The following CEP104 variants were observed in gnomAD, a reference collection of about 807,000 sequenced individuals.
CEP104 encodes centrosomal protein 104, also known as centrosomal protein of 104 kDa.
CEP104 carries 84 observed loss-of-function variants against 113.3 expected under a neutral mutation model. The observed-to-expected ratio is 0.74, with a 90% CI of 0.62 to 0.89. The LOEUF (loss-of-function observed/expected upper bound fraction) is 0.89. CEP104 is among the 40% of genes least tolerant of loss of function. CEP104 has a pLI of 0.00. For synonymous variants in CEP104, 378 were observed against 421.7 expected (o/e 0.90, Z 1.27); for missense variants, 1,053 against 1,156.6 (o/e 0.91, Z 1.30).
chr1:3,845,249 T>C (rs1397627739), intron 5 of CEP104, 40 bp downstream of exon 5: 10 of 1,362,192 alleles, frequency 7.3e-6, no homozygotes, highest in Middle Eastern at 1.8e-4. Context: ...CCATTATAAA[T>C]AGATTTACTT....
Position 3,815,497 on chromosome 1 carries a change from C to G in CEP104, c.2683G>C (p.Ala895Pro), listed in dbSNP as rs372708011. 1.0e-5 allele frequency: 16 copies of G among 1,605,926 alleles called. No individual in the cohort carries two copies. The highest frequency in any genetic ancestry group is 1.4e-5 in the Non-Finnish European group (16 of 1,176,442). ...GCCTTTGACCCCAAGGGGCCTGATGCGGCCACAGCTGAGCTTTTCCCTGCA... is the reference window on the plus strand; with the variant it reads ...GCCTTTGACCCCAAGGGGCCTGATGGGGCCACAGCTGAGCTTTTCCCTGCA... ...LQPGKSSAVA[A>P]SGPLGSKAGS... is the part of the protein sequence containing the mutation. Residue 895 changes from alanine to proline, a missense_variant, in exon 22 of 22, where the codon GCA (alanine) becomes CCA (proline). By Grantham distance (27) the Ala-to-Pro change is conservative. Transcript: ENST00000378230.
chr1:3,851,448 A>G (rs765714858), intron 2 of CEP104, among the ~76,000 whole-genome samples: 1 of 152,210 alleles, frequency 6.6e-6, no homozygotes, highest in African/African-American at 2.4e-5. Context: ...AGGAATAAAT[A>G]GTAACTTCTC....
chr1:3,827,470 T>A (rs1644113712), intron 15 of CEP104, among the ~76,000 whole-genome samples: 1 of 152,122 alleles, frequency 6.6e-6, no homozygotes, highest in South Asian at 2.1e-4. Flanking sequence ...TCCTCCTGCC[T>A]CGGCCTCCCA....
chr1:3,844,049 C>T (rs1644463125), intron 6 of CEP104, among the ~76,000 whole-genome samples: 1 of 152,210 alleles, frequency 6.6e-6, no homozygotes, highest in African/African-American at 2.4e-5. Flanking sequence ...GCGTGAGCCA[C>T]TGCACCCGGC....
At chr1:3,827,613 A>ATTT (rs1644116912) in intron 15 of CEP104, among the ~76,000 whole-genome samples, 1 of 152,246 alleles carries the variant, frequency 6.6e-6, no homozygotes, top group African/African-American at 2.4e-5. Flanking sequence ...ACAATGTGAG[A>ATTT]GCACTCCATG....
intron 2 of CEP104, among the ~76,000 whole-genome samples, chr1:3,850,998 A>G (rs1644599969): frequency 6.6e-6 from 1 of 152,230 alleles, no homozygotes; most frequent in African/African-American, 2.4e-5. Context: ...TGGGAGAGGC[A>G]TGAGCAGGGT....
At position 3,826,693 on chromosome 1, in the gene CEP104, C is replaced by T; in HGVS notation, c.2188+15G>A. 2 of 1,613,924 alleles carry T rather than the reference C, an allele frequency of 1.2e-6. No homozygotes were observed. Among genetic ancestry groups the T allele is most frequent in the South Asian group, 1.1e-5 (1 of 91,080 alleles). On this transcript the variant is annotated intron_variant, in intron 16 of 21. Transcript: ENST00000378230. ...ACACACCCCAGTTCTTTGTGCACCC[C>T]AATTCTTTACATACCCTGATTCTTT...
chr1:3,831,480 T>A (rs531793493), intron 12 of CEP104, among the ~76,000 whole-genome samples: 2 of 152,370 alleles, frequency 1.3e-5, no homozygotes, highest in East Asian at 3.9e-4. Context: ...TGAAAGCTTT[T>A]CAGAAGCGTA....
intron 18 of CEP104, 123 bp downstream of exon 18, chr1:3,825,635 T>C: frequency 1.5e-6 from 1 of 675,372 alleles, no homozygotes. Context: ...TTGGCTTCAG[T>C]TACTTTTCTC....
chr1:3,824,909 A>G (rs1379074554), intron 18 of CEP104, among the ~76,000 whole-genome samples: 1 of 131,862 alleles, frequency 7.6e-6, no homozygotes, highest in East Asian at 2.4e-4. Context: ...GGGCAGTGGC[A>G]CTGTGGGAAG....
At chr1:3,820,890 G>A (rs1201272470) in intron 20 of CEP104, among the ~76,000 whole-genome samples, 3 of 152,202 alleles carry the variant, frequency 2.0e-5, no homozygotes, top group African/African-American at 4.8e-5. Context: ...TCTGTCTCCT[G>A]GGCCTTTGGA....
rs891924869 is a variant in CEP104, at chr1:3,823,310, C to T, written c.2504-69G>A. ...GCGACAAGACATGCTGCTGGCCTGC[C>T]CGCAGGTGCCCTTTAATTCACCAAG... is the stretch of plus-strand genomic sequence containing the variant. On this transcript the variant is annotated intron_variant, in intron 19 of 21. Transcript: ENST00000378230. The surrounding 1 kb of genome is among the most constrained non-coding windows in gnomAD (Gnocchi z 4.1). 1 of 1,609,130 alleles carries T rather than the reference C, an allele frequency of 6.2e-7. No homozygotes were observed. Among genetic ancestry groups the T allele is most frequent in the Non-Finnish European group, 8.5e-7 (1 of 1,175,540 alleles).
intron 6 of CEP104, among the ~76,000 whole-genome samples, chr1:3,844,172 A>C (rs1340319098): frequency 6.6e-6 from 1 of 152,246 alleles, no homozygotes; most frequent in Non-Finnish European, 1.5e-5. Context: ...GGGTCCATTA[A>C]TATCTTTGAT....
chr1:3,836,467 C>CG (rs780146495), intron 10 of CEP104, 28 bp downstream of exon 10: 13 of 1,187,200 alleles, frequency 1.1e-5, no homozygotes, highest in Non-Finnish European at 1.2e-5. Flanking sequence ...TCTGCCACCC[C>CG]GTTTTTTTTT....
In CEP104 at chr1:3,826,374, C is replaced by T. The variant is rs770758725; in HGVS notation, c.2251G>A (p.Asp751Asn). Residue 751 changes from aspartate (D) to asparagine (N), a missense_variant, in exon 17 of 22, where the codon GAT becomes AAT. Coordinates refer to ENST00000378230, the MANE Select transcript of CEP104 (RefSeq NM_014704.4). Reference protein sequence around the residue: ...ALGIPDEHYLDNLCIFCGERS... With the variant: ...ALGIPDEHYLNNLCIFCGERS... Reference sequence around the variant, plus strand: ...GTGGAAGACAGCGCGACTTACTTATCTAGATAGTGCTCATCCGGGATTCCC... The same window carrying T: ...GTGGAAGACAGCGCGACTTACTTATTTAGATAGTGCTCATCCGGGATTCCC... The T allele has an allele frequency of 6.2e-7, 1 of 1,613,806 alleles. No homozygotes were observed. Among genetic ancestry groups the T allele is most frequent in the African/African-American group, 1.3e-5 (1 of 74,922 alleles).
At chr1:3,844,682 G>A (rs772001451) in intron 6 of CEP104, among the ~76,000 whole-genome samples, 1 of 46,132 alleles carries the variant, frequency 2.2e-5, no homozygotes, top group Non-Finnish European at 4.5e-5. Flanking sequence ...TGGGCAGCAA[G>A]AGTGAAATTC....
At position 3,839,591 on chromosome 1, in the gene CEP104, T is replaced by C. The variant is rs2298224; in HGVS notation, c.735+17A>G. The C allele has an allele frequency of 0.022, 34,598 of 1,603,502 alleles. 731 individuals are homozygous for C. Among genetic ancestry groups the C allele is most frequent in the East Asian group, 0.12 (5,169 of 44,816 alleles). ...TTACAGGCATAAATTAGGAACTGTT[T>C]TCTCCAAAGGCAATACCTTTTGCAA... On this transcript the variant is annotated intron_variant, in intron 7 of 21. Coordinates refer to ENST00000378230, the MANE Select transcript of CEP104 (RefSeq NM_014704.4).
rs200799610 is a variant in CEP104 at position 3,844,904 on chromosome 1, T to A, written c.566+3A>T. 12 of 1,611,930 alleles carry A rather than the reference T, an allele frequency of 7.4e-6. No homozygotes were observed. In the East Asian group the frequency reaches 2.7e-4, roughly 36 times the overall value. On this transcript the variant is annotated splice_donor_region_variant and intron_variant, in intron 6 of 21. Transcript: ENST00000378230. ...GTTCATTGATGGGGAGCAGGACTCT[T>A]ACCTGGCGTACGTTCCTTCTAGAGC...
intron 20 of CEP104, among the ~76,000 whole-genome samples, chr1:3,820,657 T>C (rs544604311): frequency 2.0e-5 from 3 of 152,182 alleles, no homozygotes; most frequent in Non-Finnish European, 4.4e-5. Context: ...ATAAAATGAA[T>C]GTATTTACAG....
Sources: gnomAD v4.1 joint callset for allele counts (sites outside exome capture counted in the v4.1 genomes callset) on GRCh38, gnomAD v4.1.1 for gene constraint, Gnocchi (gnomAD v3.1) non-coding constraint, MANE v1.5 for transcripts, NCBI Gene and HGNC (gene_info 2026-07-23, HGNC 2026-07-21) for gene names.